TPD52L2: variants seen among roughly 807,000 people sequenced by gnomAD.
The protein encoded by TPD52L2 is TPD52 like 2.
Under a neutral mutation model 24.7 loss-of-function variants are expected in TPD52L2, and 19 were observed. The observed-to-expected ratio is 0.77, with a 90% CI of 0.54 to 1.13. The LOEUF (loss-of-function observed/expected upper bound fraction) is 1.13. Among genes scored for constraint, TPD52L2 ranks in the 50% most tolerant of loss-of-function variants. TPD52L2 has a pLI of 0.00. For missense variants in TPD52L2, 236 were observed against 250.4 expected (o/e 0.94, Z 0.39); for synonymous variants, 104 against 100.2 (o/e 1.04, Z -0.23).
intron 5 of TPD52L2, chr20:63,888,561 A>G (rs1414565792): frequency 1.6e-4 from 19 of 116,924 alleles, no homozygotes; most frequent in East Asian, 5.6e-4. Context: ...AGCCCGGGGT[A>G]TCCCTGTAGG....
At chr20:63,882,642 C>T in intron 4 of TPD52L2, 77 bp from the exon 5 acceptor site, 2 of 1,183,018 alleles carry the variant, frequency 1.7e-6, no homozygotes, top group South Asian at 2.4e-5. Context: ...CGGGCGTGCT[C>T]CCAGTGCTTT....
chr20:63,885,396 C>G lies in TPD52L2; in HGVS notation c.476+2576C>G, dbSNP rs569263476. ...TGAGTGTTTCTCAGTTCTTCAGTGG[C>G]TCCCTCCATGTCAGAGTGGGCCTGG... On this transcript the variant is annotated intron_variant, in intron 5 of 6. Transcript: ENST00000346249. 1.5e-4 allele frequency among the ~76,000 whole-genome samples: 23 copies of G among 152,368 alleles called. No individual in the cohort carries two copies. In the South Asian group the frequency reaches 4.8e-3, roughly 32 times the overall value.
Position 63,869,325 on chromosome 20 carries a change from C to T in TPD52L2, c.49C>T (p.Leu17=), listed in dbSNP as rs1364862305. 1 of 1,614,204 alleles carries T rather than the reference C, an allele frequency of 6.2e-7. No individual in the cohort carries two copies. Among genetic ancestry groups the T allele is most frequent in the South Asian group, 1.1e-5 (1 of 91,078 alleles). Reference sequence around the variant, plus strand: ...CAACCTGAATTCTCCTAACAAAGGTCTGCTGTCTGACTCCATGACGGATGT... The same window carrying T: ...CAACCTGAATTCTCCTAACAAAGGTTTGCTGTCTGACTCCATGACGGATGT... ...DINLNSPNKG[L]LSDSMTDVPV... is the part of the protein sequence containing the mutation. Residue 17 remains leucine (L), a synonymous_variant, in exon 2 of 7, where the codon CTG becomes TTG. Coordinates refer to ENST00000346249, the MANE Select transcript of TPD52L2 (RefSeq NM_003288.4).
intron 1 of TPD52L2, among the ~76,000 whole-genome samples, chr20:63,867,869 C>A (rs1286247937): frequency 6.6e-6 from 1 of 151,090 alleles, no homozygotes; most frequent in Non-Finnish European, 1.5e-5. Flanking sequence ...AACTCCTGAC[C>A]TCAGGTGATC....
chr20:63,887,464 G>A (rs2146247717), intron 5 of TPD52L2: 2 of 1,291,494 alleles, frequency 1.5e-6, no homozygotes, highest in Non-Finnish European at 2.2e-6. Context: ...CTGGGAGTGG[G>A]GGAATCCCAG....
At chr20:63,881,560 G>C (rs1464113813) in intron 4 of TPD52L2, among the ~76,000 whole-genome samples, 1 of 152,132 alleles carries the variant, frequency 6.6e-6, no homozygotes, top group Non-Finnish European at 1.5e-5. Context: ...TGTGAGTAAG[G>C]GCTCCGGAAG....
intron 3 of TPD52L2, 38 bp from the exon 4 acceptor site, chr20:63,875,778 T>G (rs747626719): frequency 1.2e-6 from 2 of 1,606,912 alleles, no homozygotes; most frequent in South Asian, 2.2e-5. Flanking sequence ...GTTAAAATTG[T>G]TCTTCTAAAT....
At chr20:63,873,013 G>A (rs536010943) in intron 2 of TPD52L2, among the ~76,000 whole-genome samples, 2 of 146,844 alleles carry the variant, frequency 1.4e-5, no homozygotes, top group African/African-American at 5.0e-5. Flanking sequence ...GCGCCCGGCC[G>A]GTCTTCACCT....
At position 63,869,328 on chromosome 20, in the gene TPD52L2, C is replaced by T. The variant is rs774188645; in HGVS notation, c.52C>T (p.Leu18=). 4 of 1,614,080 alleles carry T rather than the reference C, an allele frequency of 2.5e-6. No homozygotes were observed. Among genetic ancestry groups the T allele is most frequent in the Admixed American group, 3.3e-5 (2 of 60,012 alleles). ...CCTGAATTCTCCTAACAAAGGTCTG[C>T]TGTCTGACTCCATGACGGATGTTCC... is the stretch of plus-strand genomic sequence containing the variant. ...INLNSPNKGL[L]SDSMTDVPVD... Residue 18 remains leucine (L), a synonymous_variant, in exon 2 of 7, where the codon CTG becomes TTG. Coordinates refer to ENST00000346249, the MANE Select transcript of TPD52L2 (RefSeq NM_003288.4).
At chr20:63,889,322 G>A in intron 6 of TPD52L2, 84 bp downstream of exon 6, 1 of 1,170,238 alleles carries the variant, frequency 8.5e-7, no homozygotes, top group Non-Finnish European at 1.3e-6. Context: ...TTTAGTTATG[G>A]TAGACTCACA....
intron 1 of TPD52L2, among the ~76,000 whole-genome samples, chr20:63,865,727 C>T (rs1305796715): frequency 7.1e-6 from 1 of 140,340 alleles, no homozygotes; most frequent in Non-Finnish European, 1.5e-5. Context: ...GTGCCCTGCT[C>T]TTGCTTGCTC....
intron 1 of TPD52L2, among the ~76,000 whole-genome samples, chr20:63,868,301 CTG>C (rs1479800187): frequency 1.3e-5 from 2 of 152,214 alleles, no homozygotes; most frequent in Non-Finnish European, 2.9e-5. Context: ...TCGAAATAGA[CTG>C]TTTTTCTTTA....
At chr20:63,872,696 T>C (rs1274985789) in intron 2 of TPD52L2, among the ~76,000 whole-genome samples, 2 of 136,140 alleles carry the variant, frequency 1.5e-5, no homozygotes, top group Non-Finnish European at 3.1e-5. Context: ...CACCATTTTT[T>C]TGTTGTTGTT....
chr20:63,886,490 T>C (rs2053115250), intron 5 of TPD52L2, among the ~76,000 whole-genome samples: 2 of 150,566 alleles, frequency 1.3e-5, no homozygotes, highest in South Asian at 4.2e-4. Context: ...CCTCTCCGAG[T>C]AGCTGGGACT....
intron 1 of TPD52L2, 38 bp downstream of exon 1, chr20:63,865,422 C>T: frequency 6.6e-7 from 1 of 1,512,592 alleles, no homozygotes; most frequent in Non-Finnish European, 8.8e-7. Context: ...GCAGATGGGC[C>T]CAGGCTGCCC....
intron 1 of TPD52L2, among the ~76,000 whole-genome samples, chr20:63,868,144 C>T (rs2052330147): frequency 6.6e-6 from 1 of 152,126 alleles, no homozygotes; most frequent in South Asian, 2.1e-4. Context: ...AACTCCTGAC[C>T]TCATGTGATC....
chr20:63,866,453 TTTTG>T (rs1339545362), intron 1 of TPD52L2, among the ~76,000 whole-genome samples: 3 of 151,142 alleles, frequency 2.0e-5, no homozygotes, highest in East Asian at 3.9e-4. Context: ...GGAGGGTGTT[TTTTG>T]TTTGTTTGTT....
chr20:63,873,846 G>A (rs1446943806), intron 3 of TPD52L2, 30 bp downstream of exon 3: 13 of 1,465,066 alleles, frequency 8.9e-6, no homozygotes, highest in Non-Finnish European at 1.2e-5. Flanking sequence ...GCACCCCTGG[G>A]GGCTGAAGAG....
intron 4 of TPD52L2, among the ~76,000 whole-genome samples, chr20:63,879,098 C>G (rs1020125090): frequency 6.6e-6 from 1 of 152,206 alleles, no homozygotes; most frequent in African/African-American, 2.4e-5. Context: ...AGGGAGAGGT[C>G]AGAGCCACAG....
Sources: gnomAD v4.1 joint callset for allele counts (sites outside exome capture counted in the v4.1 genomes callset) on GRCh38, gnomAD v4.1.1 for gene constraint, MANE v1.5 for transcripts, NCBI Gene and HGNC (gene_info 2026-07-23, HGNC 2026-07-21) for gene names.